Variants in RUNX2 observed in about 807,000 individuals in gnomAD.
RUNX2 encodes runt-related transcription factor 2.
A neutral mutation model predicts 51.7 loss-of-function variants in RUNX2; 10 were observed. That is an observed-to-expected ratio of 0.19 (90% confidence interval 0.12 to 0.33). RUNX2 has a LOEUF of 0.33. Ranked by LOEUF, RUNX2 falls within the 10% of genes least tolerant of loss-of-function variation. The probability of loss-of-function intolerance (pLI) is 1.00; values close to 1 mark genes in which losing one functional copy is unlikely to be tolerated. For synonymous variants in RUNX2, 276 were observed against 273.6 expected (o/e 1.01, Z -0.09); for missense variants, 562 against 691.3 (o/e 0.81, Z 2.10).
rs561576491 is a variant in RUNX2 at position 45,536,153 on chromosome 6, T to G, written c.1022-9064T>G. 2.6e-5 allele frequency among the ~76,000 whole-genome samples: 4 copies of G among 151,470 alleles called. No homozygotes were observed. In the South Asian group the frequency reaches 6.3e-4, roughly 24 times the overall value. ...AAGATGCAACACAGAAAGTGAACCT[T>G]GAATATAAAGCCAGCTTCTGTCACA... On this transcript the variant is annotated intron_variant, in intron 7 of 8. Transcript: ENST00000647337.
At chr6:45,539,434 A>G (rs1016231365) in intron 7 of RUNX2, among the ~76,000 whole-genome samples, 1 of 152,174 alleles carries the variant, frequency 6.6e-6, no homozygotes, top group African/African-American at 2.4e-5. Flanking sequence ...TGATTTTACA[A>G]TCTCATTTTG....
rs576038449 is a variant in RUNX2, at chr6:45,366,618, G to A, written c.58+37834G>A. On this transcript the variant is annotated intron_variant, in intron 2 of 8. Transcript: ENST00000647337. The stretch of plus-strand genomic sequence containing the variant: ...TGTATTACCCTTTTTTTCACAATCA[G>A]GCAAGTTTTTAAAACTTAAACATTT... Among the ~76,000 whole-genome samples, 5 of 151,950 alleles carry A rather than the reference G, an allele frequency of 3.3e-5. No homozygotes were observed. The South Asian group carries it at 1.0e-3, about 32-fold the overall frequency.
rs759349466 is a variant in RUNX2, at chr6:45,376,789, T to C, written c.59-45804T>C. On this transcript the variant is annotated intron_variant, in intron 2 of 8. Transcript: ENST00000647337. Reference sequence around the variant, plus strand: ...GTAAATCTTTGCAGGGCGAATTTAATTCCTCTTCCAGAGTCTGCCCTTCAC... The same window carrying C: ...GTAAATCTTTGCAGGGCGAATTTAACTCCTCTTCCAGAGTCTGCCCTTCAC... Among the ~76,000 whole-genome samples, 104 of 152,032 alleles carry C rather than the reference T, an allele frequency of 6.8e-4. 1 individual carries two copies. The highest frequency in any genetic ancestry group is 1.4e-3 in the Non-Finnish European group (94 of 68,024).
intron 2 of RUNX2, among the ~76,000 whole-genome samples, chr6:45,332,627 C>T (rs1787740442): frequency 6.6e-6 from 1 of 151,730 alleles, no homozygotes; most frequent in Non-Finnish European, 1.5e-5. Flanking sequence ...ACTGCAAATA[C>T]TATTACCTAA....
chr6:45,514,274 T>G lies in RUNX2; in HGVS notation c.1021+1867T>G, dbSNP rs541611542. On this transcript the variant is annotated intron_variant, in intron 7 of 8. Coordinates refer to ENST00000647337, the MANE Select transcript of RUNX2 (RefSeq NM_001024630.4). ...AATGAGTAGTCGTCATTGTTTATCATGTACATGTGTAACGGAAAACAGCCA... is the reference window on the plus strand; with the variant it reads ...AATGAGTAGTCGTCATTGTTTATCAGGTACATGTGTAACGGAAAACAGCCA... Among the ~76,000 whole-genome samples, 7 of 152,372 alleles carry G rather than the reference T, an allele frequency of 4.6e-5. No homozygotes were observed. The South Asian group carries it at 1.2e-3, about 27-fold the overall frequency.
At chr6:45,339,023 T>C (rs1581702023) in intron 2 of RUNX2, among the ~76,000 whole-genome samples, 1 of 152,022 alleles carries the variant, frequency 6.6e-6, no homozygotes, top group South Asian at 2.1e-4. Flanking sequence ...AATAAGGTAA[T>C]ATAAGAAGAA....
In RUNX2 at chr6:45,402,092, A is replaced by G. The variant is rs185793785; in HGVS notation, c.59-20501A>G. On this transcript the variant is annotated intron_variant, in intron 2 of 8. Transcript: ENST00000647337. ...ATTATGCTCTTAGATGCATAATGGT[A>G]TTTCACTGTGAATATTCATCTATCT... 2.3e-4 allele frequency among the ~76,000 whole-genome samples: 35 copies of G among 152,378 alleles called. 1 individual carries two copies. Among genetic ancestry groups the G allele is most frequent in the Admixed American group, 2.2e-3 (33 of 15,308 alleles).
chr6:45,446,871 G>A (rs564436975), intron 5 of RUNX2, among the ~76,000 whole-genome samples: 1 of 152,200 alleles, frequency 6.6e-6, no homozygotes, highest in South Asian at 2.1e-4. Context: ...AAACCATTTA[G>A]GTCTAAAATA....
intron 2 of RUNX2, among the ~76,000 whole-genome samples, chr6:45,385,048 C>A (rs926785359): frequency 6.6e-6 from 1 of 152,044 alleles, no homozygotes; most frequent in African/African-American, 2.4e-5. Context: ...GACAATTATT[C>A]TTTTAACAGA....
chr6:45,478,608 T>G (rs1213417541), intron 5 of RUNX2, among the ~76,000 whole-genome samples: 1 of 151,936 alleles, frequency 6.6e-6, no homozygotes, highest in Non-Finnish European at 1.5e-5. Context: ...GTCTTTTAAC[T>G]ATTCCATTAA....
In RUNX2 at chr6:45,341,953, A is replaced by T. The variant is rs532069624; in HGVS notation, c.58+13169A>T. 5.9e-5 allele frequency among the ~76,000 whole-genome samples: 9 copies of T among 152,326 alleles called. No homozygotes were observed. In the East Asian group the frequency reaches 1.7e-3, roughly 29 times the overall value. On this transcript the variant is annotated intron_variant, in intron 2 of 8. Coordinates refer to ENST00000647337, the MANE Select transcript of RUNX2 (RefSeq NM_001024630.4). ...AGAACAGTCAACCAAAACAGCAGAGAATAAATTCACAAATAACATGGTGAT... is the reference window on the plus strand; with the variant it reads ...AGAACAGTCAACCAAAACAGCAGAGTATAAATTCACAAATAACATGGTGAT...
chr6:45,344,442 T>G (rs1195322013), intron 2 of RUNX2, among the ~76,000 whole-genome samples: 1 of 152,136 alleles, frequency 6.6e-6, no homozygotes, highest in African/African-American at 2.4e-5. Context: ...GATGGTTTTT[T>G]TTTTCATTCA....
At chr6:45,406,956 G>C (rs1797846641) in intron 2 of RUNX2, among the ~76,000 whole-genome samples, 1 of 151,860 alleles carries the variant, frequency 6.6e-6, no homozygotes, top group Admixed American at 6.6e-5. Flanking sequence ...TAATATTGTT[G>C]GGTATAAAAA....
intron 7 of RUNX2, among the ~76,000 whole-genome samples, chr6:45,524,838 C>T (rs1314971307): frequency 1.3e-5 from 2 of 152,134 alleles, no homozygotes; most frequent in Non-Finnish European, 2.9e-5. Context: ...AGAGGCTGGG[C>T]GCGGTGGCTC....
chr6:45,328,747 C>T lies in RUNX2; in HGVS notation c.21C>T (p.Phe7=), dbSNP rs1786861853. 2 of 1,612,034 alleles carry T rather than the reference C, an allele frequency of 1.2e-6. No individual in the cohort carries two copies. The highest frequency in any genetic ancestry group is 1.3e-5 in the African/African-American group (1 of 74,788). MASNSL[F]STVTPCQQNF... is the part of the protein sequence containing the mutation. Reference sequence around the variant, plus strand: ...GGACTATGGCATCAAACAGCCTCTTCAGCACAGTGACACCATGTCAGCAAA... The same window carrying T: ...GGACTATGGCATCAAACAGCCTCTTTAGCACAGTGACACCATGTCAGCAAA... The change falls in exon 2 of 9, where the codon TTC becomes TTT. Residue 7 remains phenylalanine (F), a synonymous_variant. Transcript: ENST00000647337.
intron 2 of RUNX2, among the ~76,000 whole-genome samples, chr6:45,399,400 C>T (rs1169368663): frequency 4.7e-5 from 6 of 127,104 alleles, no homozygotes; most frequent in African/African-American, 1.5e-4. Context: ...CGCTCTGTCA[C>T]CCAGGCTGGA....
At chr6:45,437,848 TAGAG>T in intron 4 of RUNX2, 95 bp from the exon 5 acceptor site, 1 of 880,510 alleles carries the variant, frequency 1.1e-6, no homozygotes, top group Non-Finnish European at 1.9e-6. Flanking sequence ...ATTGCCTCCT[TAGAG>T]ATGCTTAAAT....
chr6:45,410,219 G>A (rs1341190665), intron 2 of RUNX2, among the ~76,000 whole-genome samples: 1 of 152,178 alleles, frequency 6.6e-6, no homozygotes, highest in African/African-American at 2.4e-5. Context: ...AATGCCGATG[G>A]CAATGTGGAG....
At chr6:45,485,695 G>GTATATATATAAATATATATATATATA (rs1389655363) in intron 5 of RUNX2, among the ~76,000 whole-genome samples, 1 of 107,094 alleles carries the variant, frequency 9.3e-6, no homozygotes, top group Non-Finnish European at 2.0e-5. Context: ...GTGTGTGTGT[G>GTATATATATAAATATATATATATATA]TGTATATATA....
Sources: allele counts gnomAD v4.1 joint callset (sites outside exome capture counted in the v4.1 genomes callset), GRCh38; gene constraint gnomAD v4.1.1; transcripts MANE v1.5; gene names NCBI Gene and HGNC (gene_info 2026-07-23, HGNC 2026-07-21).